The following NHS variants were observed in gnomAD, a reference collection of about 807,000 sequenced individuals.
NHS encodes the protein NHS actin remodeling regulator.
A neutral mutation model predicts 72.5 loss-of-function variants in NHS; 5 were observed. The observed-to-expected ratio is 0.07, with a 90% CI of 0.04 to 0.14. The LOEUF (loss-of-function observed/expected upper bound fraction) is 0.14. NHS is among the 10% of genes least tolerant of loss of function. The pLI is 1.00. For missense variants in NHS, 1,072 were observed against 1,355.7 expected (o/e 0.79, Z 3.29); for synonymous variants, 464 against 547.7 (o/e 0.85, Z 2.13).
At chrX:17,521,939 G>C (rs993624236) in intron 1 of NHS, among the ~76,000 whole-genome samples, 1 of 112,619 alleles carries the variant, frequency 8.9e-6, no homozygotes, top group Admixed American at 9.4e-5. Context: ...TCAGGGTTTG[G>C]TTCCAATTCT....
chrX:17,568,174 T>C (rs1273312116), intron 1 of NHS, among the ~76,000 whole-genome samples: 4 of 112,133 alleles, frequency 3.6e-5, no homozygotes, highest in Non-Finnish European at 7.5e-5. Flanking sequence ...ATGAAAGCCA[T>C]GGACTTGTTG....
chrX:17,456,621 G>T (rs1176347684), intron 1 of NHS, among the ~76,000 whole-genome samples: 1 of 112,228 alleles, frequency 8.9e-6, no homozygotes, highest in East Asian at 2.8e-4. Context: ...TCTCCTTGGT[G>T]CCCTGGGTCG....
At chrX:17,706,356 T>C (rs1206621863) in intron 3 of NHS, among the ~76,000 whole-genome samples, 1 of 111,851 alleles carries the variant, frequency 8.9e-6, no homozygotes, top group Non-Finnish European at 1.9e-5. Flanking sequence ...TATTTATCAA[T>C]GCTAATGACC....
chrX:17,476,736 A>T (rs969799679), intron 1 of NHS, among the ~76,000 whole-genome samples: 1 of 111,458 alleles, frequency 9.0e-6, no homozygotes, highest in Non-Finnish European at 1.9e-5. Context: ...TTATACACCA[A>T]CCTCCCAATA....
At chrX:17,446,122 C>A in intron 1 of NHS, among the ~76,000 whole-genome samples, 1 of 110,547 alleles carries the variant, frequency 9.0e-6, no homozygotes, top group East Asian at 2.8e-4. Flanking sequence ...CCCCTTACCA[C>A]AAAATCTTCC....
At chrX:17,644,719 C>A (rs769730638) in intron 1 of NHS, among the ~76,000 whole-genome samples, 1 of 110,853 alleles carries the variant, frequency 9.0e-6, no homozygotes, top group Non-Finnish European at 1.9e-5. Flanking sequence ...TAGTTGCATG[C>A]CTCATCCTAA....
intron 1 of NHS, among the ~76,000 whole-genome samples, chrX:17,393,162 C>T (rs2064453906): frequency 9.0e-6 from 1 of 111,322 alleles, no homozygotes; most frequent in South Asian, 3.8e-4. Flanking sequence ...CTGAATATAC[C>T]TACACATTTC....
At chrX:17,592,832 G>A (rs1016550577) in intron 1 of NHS, among the ~76,000 whole-genome samples, 1 of 111,390 alleles carries the variant, frequency 9.0e-6, no homozygotes, top group Non-Finnish European at 1.9e-5. Flanking sequence ...TGCCAAGCTG[G>A]GAAGGAAGAA....
At chrX:17,436,732 T>C (rs764961961) in intron 1 of NHS, among the ~76,000 whole-genome samples, 34 of 109,422 alleles carry the variant, frequency 3.1e-4, no homozygotes, top group Non-Finnish European at 5.9e-4. Context: ...GTGAGTGTAA[T>C]ATCCAGCTGA....
intron 1 of NHS, among the ~76,000 whole-genome samples, chrX:17,640,788 C>T (rs1937706501): frequency 8.9e-6 from 1 of 112,287 alleles, no homozygotes; most frequent in South Asian, 3.7e-4. Context: ...GATTAATTTT[C>T]GAATAAGGAT....
chrX:17,472,917 G>A (rs2064898383), intron 1 of NHS, among the ~76,000 whole-genome samples: 1 of 112,319 alleles, frequency 8.9e-6, no homozygotes, highest in Non-Finnish European at 1.9e-5. Flanking sequence ...AGAAGGAAAA[G>A]GTTGTATTCT....
rs1031537147 is a variant in NHS at position 17,572,972 on chromosome X, A to G, written c.566-114770A>G. Among the ~76,000 whole-genome samples, 4 of 111,942 alleles carry G rather than the reference A, an allele frequency of 3.6e-5. No individual in the cohort carries two copies. The Admixed American group carries it at 3.8e-4, about 11-fold the overall frequency. ...TGGCTGGATATGAAATTCTGGGTTGAAAATTCTTTTCTTTAGGAATGTTGA... is the reference window on the plus strand; with the variant it reads ...TGGCTGGATATGAAATTCTGGGTTGGAAATTCTTTTCTTTAGGAATGTTGA... On this transcript the variant is annotated intron_variant, in intron 1 of 8. Coordinates refer to ENST00000676302, the MANE Select transcript of NHS (RefSeq NM_001291867.2).
At chrX:17,396,388 C>G (rs1262271598) in intron 1 of NHS, among the ~76,000 whole-genome samples, 1 of 111,068 alleles carries the variant, frequency 9.0e-6, no homozygotes, top group Non-Finnish European at 1.9e-5. Context: ...TATTTCTTTT[C>G]TCTTCTCCTT....
At chrX:17,522,069 G>A (rs1458083267) in intron 1 of NHS, among the ~76,000 whole-genome samples, 3 of 111,611 alleles carry the variant, frequency 2.7e-5, no homozygotes, top group African/African-American at 9.8e-5. Context: ...TGGGGGCTGT[G>A]GCATGAGGCC....
rs772226852 is a variant in NHS at position 17,732,364 on chromosome X, G to A, written c.4856G>A (p.Cys1619Tyr). 1 of 1,212,574 alleles carries A rather than the reference G, an allele frequency of 8.2e-7. No individual in the cohort carries two copies. Among genetic ancestry groups the A allele is most frequent in the Non-Finnish European group, 1.1e-6 (1 of 895,706 alleles). The change falls in exon 9 of 9, where the codon TGC becomes TAC. Residue 1619 changes from cysteine to tyrosine, a missense_variant. Physicochemically the swap from Cys to Tyr is radical, Grantham distance 194 (BLOSUM62 -2). Transcript: ENST00000676302. ...AGCAGCAGCCGCTACAGTGTCCGCT[G>A]CCGGCTGTACAATACGCCCATGCAG... is the stretch of plus-strand genomic sequence containing the variant. ...AASSSRYSVR[C>Y]RLYNTPMQAI...
chrX:17,726,090 C>A lies in NHS; in HGVS notation c.1984C>A (p.His662Asn), dbSNP rs2147142595. Residue 662 changes from histidine to asparagine, a missense_variant, in exon 7 of 9, where the codon CAC becomes AAC. Transcript: ENST00000676302. ...AASPPLTGSS[H>N]CDSELSLNTA... The stretch of plus-strand genomic sequence containing the variant: ...TTCTCCTCCACTCACTGGCTCTTCA[C>A]ACTGTGACTCGGAGTTGTCACTAAA... 1 of 1,212,006 alleles carries A rather than the reference C, an allele frequency of 8.3e-7. No homozygotes were observed.
At chrX:17,403,389 G>A (rs1296243621) in intron 1 of NHS, among the ~76,000 whole-genome samples, 1 of 111,786 alleles carries the variant, frequency 8.9e-6, no homozygotes, top group Non-Finnish European at 1.9e-5. Flanking sequence ...AAGAACGATT[G>A]CAGGCTCCAA....
chrX:17,510,884 T>G (rs1474861637), intron 1 of NHS, among the ~76,000 whole-genome samples: 1 of 112,376 alleles, frequency 8.9e-6, no homozygotes, highest in Non-Finnish European at 1.9e-5. Flanking sequence ...ATGAGGGCTT[T>G]ATTCATTTGA....
At position 17,517,753 on chromosome X, in the gene NHS, T is replaced by C. The variant is rs773989432; in HGVS notation, c.565+141431T>C. Among the ~76,000 whole-genome samples, 12 of 111,971 alleles carry C rather than the reference T, an allele frequency of 1.1e-4. No individual in the cohort carries two copies. In the South Asian group the frequency reaches 4.5e-3, roughly 42 times the overall value. On this transcript the variant is annotated intron_variant, in intron 1 of 8. Transcript: ENST00000676302. Reference sequence around the variant, plus strand: ...GTGTCTAATTTCAAATGCTATTTGTTTGTAAGAGAGAGAAAATCCATTTAT... The same window carrying C: ...GTGTCTAATTTCAAATGCTATTTGTCTGTAAGAGAGAGAAAATCCATTTAT...
Sources: allele counts gnomAD v4.1 joint callset (sites outside exome capture counted in the v4.1 genomes callset), GRCh38; gene constraint gnomAD v4.1.1; transcripts MANE v1.5; gene names NCBI Gene and HGNC (gene_info 2026-07-23, HGNC 2026-07-21).